The following CACNG2 variants were observed in gnomAD, a reference collection of about 807,000 sequenced individuals.
CACNG2 encodes the protein calcium voltage-gated channel auxiliary subunit gamma 2, also known as voltage-dependent calcium channel gamma-2 subunit.
In CACNG2, 3 loss-of-function variants were observed where a neutral mutation model predicts 25.9. That is an observed-to-expected ratio of 0.12 (90% confidence interval 0.05 to 0.30). The LOEUF (loss-of-function observed/expected upper bound fraction) is 0.30, where lower values mean the gene tolerates loss of function less well. Among genes scored for constraint, CACNG2 ranks in the 10% least tolerant of loss-of-function variants. The probability of loss-of-function intolerance (pLI) is 1.00; values close to 1 mark genes in which losing one functional copy is unlikely to be tolerated. For synonymous variants in CACNG2, 167 were observed against 173.3 expected (o/e 0.96, Z 0.29); for missense variants, 341 against 432.5 (o/e 0.79, Z 1.88).
intron 1 of CACNG2, among the ~76,000 whole-genome samples, chr22:36,614,725 G>A (rs918997586): frequency 4.6e-5 from 7 of 152,182 alleles, no homozygotes; most frequent in Non-Finnish European, 7.3e-5. Flanking sequence ...TGGGCTTAGC[G>A]TAGTTACTGA....
intron 1 of CACNG2, among the ~76,000 whole-genome samples, chr22:36,600,303 G>A (rs1935735205): frequency 6.6e-6 from 1 of 152,116 alleles, no homozygotes; most frequent in Non-Finnish European, 1.5e-5. Context: ...AGATTGGAGT[G>A]CAGTGGCATG....
intron 1 of CACNG2, among the ~76,000 whole-genome samples, chr22:36,655,703 C>G (rs1936692162): frequency 6.7e-6 from 1 of 148,350 alleles, no homozygotes; most frequent in Non-Finnish European, 1.5e-5. Flanking sequence ...TCCTTTCTTT[C>G]TTTCTCTTTC....
At chr22:36,693,022 TG>T (rs1937285561) in intron 1 of CACNG2, among the ~76,000 whole-genome samples, 1 of 152,114 alleles carries the variant, frequency 6.6e-6, no homozygotes, top group South Asian at 2.1e-4. Context: ...GGTGTGCGCC[TG>T]TAATCCCAGC....
intron 1 of CACNG2, among the ~76,000 whole-genome samples, chr22:36,679,430 A>G (rs1937067532): frequency 6.6e-6 from 1 of 152,134 alleles, no homozygotes. Flanking sequence ...AGGGCTCTTC[A>G]TTCATGGCTG....
At chr22:36,609,423 C>A (rs1935894217) in intron 1 of CACNG2, among the ~76,000 whole-genome samples, 1 of 130,844 alleles carries the variant, frequency 7.6e-6, no homozygotes, top group African/African-American at 2.9e-5. Context: ...GGAATCAGCC[C>A]CCCAGAGCGT....
At chr22:36,628,128 T>C (rs970023503) in intron 1 of CACNG2, among the ~76,000 whole-genome samples, 3 of 152,242 alleles carry the variant, frequency 2.0e-5, no homozygotes, top group Non-Finnish European at 4.4e-5. Context: ...AAGTCTTCTA[T>C]ATACTTTTCT....
At chr22:36,689,927 C>T (rs1390289340) in intron 1 of CACNG2, among the ~76,000 whole-genome samples, 5 of 152,344 alleles carry the variant, frequency 3.3e-5, no homozygotes, top group South Asian at 2.1e-4. Context: ...ACCCTGGGGA[C>T]GTTCTTTAAA....
chr22:36,622,813 G>A (rs1018937559), intron 1 of CACNG2, among the ~76,000 whole-genome samples: 2 of 151,800 alleles, frequency 1.3e-5, no homozygotes, highest in African/African-American at 2.4e-5. Flanking sequence ...ACAAAAATTA[G>A]CTTGGGGTGG....
intron 1 of CACNG2, among the ~76,000 whole-genome samples, chr22:36,686,642 A>C (rs1370585649): frequency 6.6e-6 from 1 of 152,190 alleles, no homozygotes; most frequent in Non-Finnish European, 1.5e-5. Flanking sequence ...CACAAGCATG[A>C]GTGAGCTGCT....
chr22:36,587,884 A>C (rs900255971), intron 1 of CACNG2, among the ~76,000 whole-genome samples: 3 of 152,220 alleles, frequency 2.0e-5, no homozygotes, highest in African/African-American at 7.2e-5. Context: ...AATGCTCCTC[A>C]GCCCGTCTCT....
At chr22:36,637,039 A>G (rs1569036669) in intron 1 of CACNG2, among the ~76,000 whole-genome samples, 1 of 152,234 alleles carries the variant, frequency 6.6e-6, no homozygotes, top group East Asian at 1.9e-4. Flanking sequence ...CGTTAACATC[A>G]TAATTGGGCC....
At chr22:36,646,438 C>T (rs1936525550) in intron 1 of CACNG2, among the ~76,000 whole-genome samples, 1 of 152,154 alleles carries the variant, frequency 6.6e-6, no homozygotes, top group African/African-American at 2.4e-5. Flanking sequence ...TATCGTTGCT[C>T]CTATCAGCAG....
intron 1 of CACNG2, among the ~76,000 whole-genome samples, chr22:36,595,542 C>T (rs928286029): frequency 2.6e-5 from 4 of 152,252 alleles, no homozygotes; most frequent in East Asian, 1.9e-4. Context: ...GGTACAAAGA[C>T]GTGACAAATT....
chr22:36,669,460 A>G (rs563966564), intron 1 of CACNG2, among the ~76,000 whole-genome samples: 55 of 139,158 alleles, frequency 4.0e-4, no homozygotes, highest in Non-Finnish European at 6.9e-4. Context: ...GTGAGCCAAG[A>G]TTGTGCCATT....
chr22:36,566,680 C>T (rs1437324221), intron 2 of CACNG2, among the ~76,000 whole-genome samples, 187 bp from the exon 3 acceptor site: 1 of 152,212 alleles, frequency 6.6e-6, no homozygotes, highest in Non-Finnish European at 1.5e-5. Flanking sequence ...CACAGCCCTG[C>T]AGGAGCTCCC....
chr22:36,608,247 A>C (rs2145938088), intron 1 of CACNG2, among the ~76,000 whole-genome samples: 3 of 152,202 alleles, frequency 2.0e-5, no homozygotes, highest in Middle Eastern at 6.8e-3. Context: ...GGATTCTAAG[A>C]AGCCTTCCCT....
rs1322197781 is a variant in CACNG2, at chr22:36,666,410, A to T, written c.211+35956T>A. On this transcript the variant is annotated intron_variant, in intron 1 of 3. Coordinates refer to ENST00000300105, the MANE Select transcript of CACNG2 (RefSeq NM_006078.5). Reference sequence around the variant, plus strand: ...GTGACAGAGTGAAACCCAGTCTCAAAATAAATAAATAAATAAATAAATACT... The same window carrying T: ...GTGACAGAGTGAAACCCAGTCTCAATATAAATAAATAAATAAATAAATACT... Among the ~76,000 whole-genome samples, 3 of 128,184 alleles carry T rather than the reference A, an allele frequency of 2.3e-5. No individual in the cohort carries two copies. In the East Asian group the frequency reaches 6.1e-4, roughly 26 times the overall value. The allele number at this position is 128,184 out of a possible 152,430, so 84.1% of individuals were successfully genotyped here.
rs116229137 is a variant in CACNG2 at position 36,590,627 on chromosome 22, C to T, written c.212-3079G>A. ...CCATCCCTGCTCCCTGGATGGCTGC[C>T]GCGGCCTCCCCACTCATCAGTTTGC... On this transcript the variant is annotated intron_variant, in intron 1 of 3. Coordinates refer to ENST00000300105, the MANE Select transcript of CACNG2 (RefSeq NM_006078.5). 5.5e-3 allele frequency among the ~76,000 whole-genome samples: 844 copies of T among 152,276 alleles called. 10 individuals carry two copies. Among genetic ancestry groups the T allele is most frequent in the African/African-American group, 0.02 (815 of 41,550 alleles).
intron 1 of CACNG2, among the ~76,000 whole-genome samples, chr22:36,605,255 A>G (rs534780598): frequency 1.3e-5 from 2 of 151,720 alleles, no homozygotes; most frequent in South Asian, 2.1e-4. Context: ...TTGTGTTTTT[A>G]GTAGAGATGG....
Sources: gnomAD v4.1 joint callset for allele counts (sites outside exome capture counted in the v4.1 genomes callset) on GRCh38, gnomAD v4.1.1 for gene constraint, MANE v1.5 for transcripts, NCBI Gene and HGNC (gene_info 2026-07-23, HGNC 2026-07-21) for gene names.